Variants in SLIT3 observed in about 807,000 individuals in gnomAD.
SLIT3 encodes slit homolog 3 protein.
SLIT3 carries 68 observed loss-of-function variants against 184.0 expected under a neutral mutation model. That is an observed-to-expected ratio of 0.37 (90% CI 0.30 to 0.45). The LOEUF (loss-of-function observed/expected upper bound fraction) is 0.45, where lower values mean the gene tolerates loss of function less well. SLIT3 is among the 20% of genes least tolerant of loss of function. The pLI, the probability that SLIT3 is intolerant of heterozygous loss-of-function variation, is 1.00. For synonymous variants in SLIT3, 831 were observed against 828.6 expected, an observed-to-expected ratio of 1.00 and a Z score of -0.05; for missense variants, 1,707 against 2,026.0, an observed-to-expected ratio of 0.84 and a Z score of 3.02.
chr5:169,151,037 A>G (rs1309824894), intron 4 of SLIT3, among the ~76,000 whole-genome samples: 1 of 151,494 alleles, frequency 6.6e-6, no homozygotes, highest in Non-Finnish European at 1.5e-5. Flanking sequence ...AGTAGTGAGG[A>G]AAAAAAAACT....
chr5:169,192,930 T>C (rs1305598408), intron 4 of SLIT3, among the ~76,000 whole-genome samples: 1 of 152,210 alleles, frequency 6.6e-6, no homozygotes, highest in African/African-American at 2.4e-5. Flanking sequence ...CTCCTCATTT[T>C]ACCCTGGATC....
chr5:169,053,933 A>T (rs1168220517), intron 4 of SLIT3, among the ~76,000 whole-genome samples: 1 of 152,052 alleles, frequency 6.6e-6, no homozygotes, highest in Non-Finnish European at 1.5e-5. Flanking sequence ...ACTAAAAAAA[A>T]TACAAAAGTT....
rs1268634731 is a variant in SLIT3 at position 168,760,893 on chromosome 5, T to C, written c.1654A>G (p.Ile552Val). ...NEVSVLEATG[I>V]FKKLPNLRKI... is the part of the protein sequence containing the mutation. ...CGCAGGTTGGGCAACTTCTTGAAGA[T>C]GCCAGTGGCCTCCAGAACAGATACC... Residue 552 changes from isoleucine (I) to valine (V), a missense_variant, in exon 16 of 36, where the codon ATC becomes GTC. Ile to Val is a conservative substitution (Grantham distance 29, BLOSUM62 3). Around this residue, in one of 3 missense-constraint regions of SLIT3, gnomAD observed 1,307 missense variants for 1,511.6 expected, o/e 0.86. Transcript: ENST00000519560. 2 of 1,613,944 alleles carry C rather than the reference T, an allele frequency of 1.2e-6. No homozygotes were observed. The highest frequency in any genetic ancestry group is 1.7e-6 in the Non-Finnish European group (2 of 1,179,932).
rs555198158 is a variant in SLIT3 at position 168,972,215 on chromosome 5, G to A, written c.414-88879C>T. Among the ~76,000 whole-genome samples, 3 of 152,204 alleles carry A rather than the reference G, an allele frequency of 2.0e-5. No individual in the cohort carries two copies. The South Asian group carries it at 6.2e-4, about 32-fold the overall frequency. On this transcript the variant is annotated intron_variant, in intron 4 of 35. Transcript: ENST00000519560. ...GGACTGGGGAAAGAGGAAGCACCAG[G>A]CAGAGAATGGTGCAGGATGAGGTTG...
At chr5:168,830,248 C>T (rs954743367) in intron 6 of SLIT3, among the ~76,000 whole-genome samples, 1 of 152,170 alleles carries the variant, frequency 6.6e-6, no homozygotes, top group Non-Finnish European at 1.5e-5. Flanking sequence ...GCCTCCCGCT[C>T]AGCCCAGGGC....
At position 168,666,436 on chromosome 5, in the gene SLIT3, A is replaced by AG; in HGVS notation, c.*17dup. On this transcript the variant is annotated 3_prime_UTR_variant, in exon 36 of 36. Coordinates refer to ENST00000519560, the MANE Select transcript of SLIT3 (RefSeq NM_003062.4). ...ATCAAGCTGGAGTCCGAGAGGTGGC[A>AG]GGCAGGCGGGCAGGGGCTTAGGAAC... 1 of 1,532,580 alleles carries AG rather than the reference A, an allele frequency of 6.5e-7. No homozygotes were observed. The highest frequency in any genetic ancestry group is 1.9e-5 in the Admixed American group (1 of 51,876). The allele number at this position is 1,532,580 out of a possible 1,614,324, so 94.9% of individuals were successfully genotyped here.
chr5:168,867,272 G>C (rs1759339669), intron 5 of SLIT3, among the ~76,000 whole-genome samples: 1 of 152,210 alleles, frequency 6.6e-6, no homozygotes, highest in South Asian at 2.1e-4. Context: ...AAAAATTCTA[G>C]AGTAGGCCGG....
At chr5:169,287,031 A>T (rs1225239149) in intron 1 of SLIT3, among the ~76,000 whole-genome samples, 2 of 152,198 alleles carry the variant, frequency 1.3e-5, no homozygotes, top group African/African-American at 4.8e-5. Context: ...GGCAGGGGGA[A>T]GCTTATGGGA....
chr5:169,027,948 G>T (rs1171702164), intron 4 of SLIT3, among the ~76,000 whole-genome samples: 1 of 152,184 alleles, frequency 6.6e-6, no homozygotes, highest in African/African-American at 2.4e-5. Flanking sequence ...AGGAGGGAGA[G>T]TGGTTTTCAT....
At chr5:169,086,470 C>T (rs574684615) in intron 4 of SLIT3, among the ~76,000 whole-genome samples, 9 of 152,248 alleles carry the variant, frequency 5.9e-5, no homozygotes, top group Middle Eastern at 6.8e-3. Context: ...TTGAACAGTT[C>T]GGCCTGAAAA....
intron 20 of SLIT3, among the ~76,000 whole-genome samples, chr5:168,741,282 A>G (rs1459142626): frequency 1.3e-5 from 2 of 151,982 alleles, no homozygotes; most frequent in Admixed American, 6.6e-5. Context: ...CATCCTGGCT[A>G]ACATGGTGAA....
intron 1 of SLIT3, among the ~76,000 whole-genome samples, chr5:169,253,352 T>C (rs1350899328): frequency 6.6e-6 from 1 of 152,182 alleles, no homozygotes; most frequent in African/African-American, 2.4e-5. Flanking sequence ...ATATTTATTA[T>C]GTCAAAGCAC....
intron 4 of SLIT3, among the ~76,000 whole-genome samples, chr5:168,982,412 A>C (rs1031414041): frequency 1.3e-5 from 2 of 152,314 alleles, no homozygotes; most frequent in Admixed American, 6.5e-5. Flanking sequence ...GAACAACAAG[A>C]AGGTTCTCAC....
At chr5:168,799,309 C>T (rs369357750) in intron 9 of SLIT3, among the ~76,000 whole-genome samples, 1 of 152,312 alleles carries the variant, frequency 6.6e-6, no homozygotes, top group African/African-American at 2.4e-5. Flanking sequence ...TGTCTGAAGC[C>T]AACAGCTGAT....
In SLIT3 at chr5:168,683,997, T is replaced by A. The variant is rs762663500; in HGVS notation, c.3655A>T (p.Ser1219Cys). ...ACTGTGGTTGGAGGGGAACTCAGGC[T>A]GTCATAGACCAGCCGCACGTGGCCC... ...YQGHVRLVYDSLSSPPTTVYS... is the reference protein window; with the variant it reads ...YQGHVRLVYDCLSSPPTTVYS... Residue 1219 changes from serine to cysteine, a missense_variant, in exon 32 of 36, where the codon AGC (serine) becomes TGC (cysteine). Ser to Cys is a moderately radical substitution (Grantham distance 112). Coordinates refer to ENST00000519560, the MANE Select transcript of SLIT3 (RefSeq NM_003062.4). 6.3e-7 allele frequency: 1 copy of A among 1,597,336 alleles called. No homozygotes were observed. Among genetic ancestry groups the A allele is most frequent in the Non-Finnish European group, 8.5e-7 (1 of 1,170,992 alleles).
intron 4 of SLIT3, among the ~76,000 whole-genome samples, chr5:169,000,109 A>G (rs981893031): frequency 6.6e-6 from 1 of 152,174 alleles, no homozygotes; most frequent in Admixed American, 6.5e-5. Flanking sequence ...GATCATTATT[A>G]AGAAGTTATG....
At chr5:168,950,142 T>C (rs80028726) in intron 4 of SLIT3, among the ~76,000 whole-genome samples, 1,491 of 146,802 alleles carry the variant, frequency 0.01, 17 homozygotes, top group African/African-American at 0.035. Context: ...GATTAGGTCA[T>C]GAGGGAGGAA....
intron 1 of SLIT3, among the ~76,000 whole-genome samples, chr5:169,280,831 T>C (rs994872803): frequency 6.6e-6 from 1 of 152,176 alleles, no homozygotes; most frequent in Middle Eastern, 3.2e-3. Context: ...GCTTTTCTTT[T>C]GTTGAGCCTC....
intron 4 of SLIT3, among the ~76,000 whole-genome samples, chr5:169,173,059 C>T (rs1232175362): frequency 2.0e-5 from 3 of 152,072 alleles, no homozygotes; most frequent in Non-Finnish European, 2.9e-5. Context: ...GTCGGGAGTT[C>T]GAGACCAGGC....
Sources: allele counts gnomAD v4.1 joint callset (sites outside exome capture counted in the v4.1 genomes callset), GRCh38; gene constraint gnomAD v4.1.1; regional missense constraint gnomAD v4.1.1; transcripts MANE v1.5; gene names NCBI Gene and HGNC (gene_info 2026-07-23, HGNC 2026-07-21).